The following NAALADL2 variants were observed in gnomAD, a reference collection of about 807,000 sequenced individuals.
NAALADL2 encodes the protein inactive N-acetylated-alpha-linked acidic dipeptidase-like protein 2.
A neutral mutation model predicts 87.2 loss-of-function variants in NAALADL2; 76 were observed. The observed-to-expected ratio is 0.87, with a 90% CI of 0.72 to 1.05. The LOEUF (loss-of-function observed/expected upper bound fraction) is 1.05. Ranked by LOEUF, NAALADL2 falls within the 50% of genes least tolerant of loss-of-function variation. The probability of loss-of-function intolerance (pLI) is 0.00; values close to 1 mark genes in which losing one functional copy is unlikely to be tolerated. For missense variants in NAALADL2, 1,089 were observed against 945.8 expected (o/e 1.15, Z -1.99); for synonymous variants, 354 against 331.0 (o/e 1.07, Z -0.75).
intron 11 of NAALADL2, among the ~76,000 whole-genome samples, chr3:175,642,743 T>G (rs1336827086): frequency 1.3e-5 from 2 of 152,058 alleles, no homozygotes; most frequent in East Asian, 1.9e-4. Context: ...CTCGTGATCC[T>G]CCCGCCTCGG....
At chr3:175,579,458 G>C (rs1719425812) in intron 10 of NAALADL2, among the ~76,000 whole-genome samples, 2 of 152,114 alleles carry the variant, frequency 1.3e-5, no homozygotes, top group African/African-American at 4.8e-5. Context: ...CAAACACATT[G>C]CATAAAATTG....
At chr3:175,060,884 C>T (rs141699030) in intron 1 of NAALADL2, among the ~76,000 whole-genome samples, 2,840 of 152,188 alleles carry the variant, frequency 0.019, 42 homozygotes, top group Non-Finnish European at 0.027. Context: ...CCCATCTCTA[C>T]TAAAAATACA....
intron 1 of NAALADL2, among the ~76,000 whole-genome samples, chr3:174,983,134 G>T (rs1043479670): frequency 6.6e-6 from 1 of 151,968 alleles, no homozygotes; most frequent in Non-Finnish European, 1.5e-5. Context: ...CCAAGAGGAG[G>T]CCCACCATCC....
Position 174,886,802 on chromosome 3 carries a change from T to C in NAALADL2, c.43+27352T>C, listed in dbSNP as rs143442505. On this transcript the variant is annotated intron_variant, in intron 1 of 13. Coordinates refer to ENST00000454872, the MANE Select transcript of NAALADL2 (RefSeq NM_207015.3). ...TTTAACCCTATATTTTAAATGTAAA[T>C]CTTAATTGGGTTCCAGCTGACACTG... Among the ~76,000 whole-genome samples, 330 of 152,322 alleles carry C rather than the reference T, an allele frequency of 2.2e-3. 1 individual carries two copies. The highest frequency in any genetic ancestry group is 6.9e-3 in the African/African-American group (288 of 41,574).
At chr3:174,528,889 A>G (rs1038077783) in intron 1 of NAALADL2, among the ~76,000 whole-genome samples, 1 of 152,132 alleles carries the variant, frequency 6.6e-6, no homozygotes, top group Non-Finnish European at 1.5e-5. Flanking sequence ...TCCCTCCCAC[A>G]ATACATAGGA....
At chr3:175,560,789 T>G (rs978910514) in intron 9 of NAALADL2, among the ~76,000 whole-genome samples, 3 of 152,074 alleles carry the variant, frequency 2.0e-5, no homozygotes, top group Non-Finnish European at 4.4e-5. Flanking sequence ...GCCCAGCCGA[T>G]TTTTGTATTT....
At chr3:174,865,791 C>T (rs1006681524) in intron 1 of NAALADL2, among the ~76,000 whole-genome samples, 2 of 151,650 alleles carry the variant, frequency 1.3e-5, no homozygotes, top group Non-Finnish European at 3.0e-5. Flanking sequence ...GAATAAGTGA[C>T]CAGAAGGAAA....
At chr3:174,504,238 A>G (rs992793570) in intron 1 of NAALADL2, among the ~76,000 whole-genome samples, 1 of 152,162 alleles carries the variant, frequency 6.6e-6, no homozygotes, top group Non-Finnish European at 1.5e-5. Flanking sequence ...TGGTAAAATA[A>G]TATATAAATT....
chr3:175,376,183 C>A (rs927323568), intron 5 of NAALADL2, among the ~76,000 whole-genome samples: 5 of 152,000 alleles, frequency 3.3e-5, no homozygotes, highest in Admixed American at 2.0e-4. Context: ...TATTTTTATA[C>A]CCTCCTAGTT....
chr3:175,253,721 A>C (rs1580257), intron 3 of NAALADL2, among the ~76,000 whole-genome samples: 1 of 152,202 alleles, frequency 6.6e-6, no homozygotes, highest in Admixed American at 6.5e-5. Context: ...TCGTGAGAGC[A>C]GGTCAAAATA....
chr3:174,582,458 A>C (rs972988612), intron 2 of NAALADL2, among the ~76,000 whole-genome samples: 19 of 152,252 alleles, frequency 1.2e-4, no homozygotes, highest in Non-Finnish European at 2.8e-4. Flanking sequence ...AATAGTTTGA[A>C]TATACCAACA....
Position 174,997,674 on chromosome 3 carries a change from G to A in NAALADL2, c.44-99116G>A, listed in dbSNP as rs1380323290. On this transcript the variant is annotated intron_variant, in intron 1 of 13. Transcript: ENST00000454872. ...CTACTAAAAATACAAAAATTAGCTG[G>A]GTGTGGTGGTGGACACGTATAATCC... is the stretch of plus-strand genomic sequence containing the variant. Among the ~76,000 whole-genome samples the A allele has an allele frequency of 2.6e-5, 4 of 152,070 alleles. No homozygotes were observed. In the East Asian group the frequency reaches 5.8e-4, roughly 22 times the overall value.
chr3:174,625,936 G>A (rs1307405063), intron 2 of NAALADL2, among the ~76,000 whole-genome samples: 1 of 151,834 alleles, frequency 6.6e-6, no homozygotes, highest in Non-Finnish European at 1.5e-5. Context: ...TGGAATACAG[G>A]TTAAGTCATT....
chr3:175,724,731 T>G (rs1398596270), intron 11 of NAALADL2, among the ~76,000 whole-genome samples: 1 of 152,116 alleles, frequency 6.6e-6, no homozygotes, highest in African/African-American at 2.4e-5. Context: ...GTGCCTTCAT[T>G]GTCTCTATAA....
At chr3:175,721,374 A>G (rs932771412) in intron 11 of NAALADL2, among the ~76,000 whole-genome samples, 3 of 152,148 alleles carry the variant, frequency 2.0e-5, no homozygotes, top group African/African-American at 7.2e-5. Context: ...ATGCAAATGT[A>G]CCTGTAATTA....
intron 1 of NAALADL2, among the ~76,000 whole-genome samples, chr3:174,458,350 T>C (rs1209500779): frequency 6.6e-6 from 1 of 152,184 alleles, no homozygotes; most frequent in East Asian, 1.9e-4. Context: ...ACCTGTATTT[T>C]CCTCTCTCTA....
chr3:175,790,536 T>C (rs1401021891), intron 13 of NAALADL2, among the ~76,000 whole-genome samples: 1 of 152,214 alleles, frequency 6.6e-6, no homozygotes, highest in Non-Finnish European at 1.5e-5. Context: ...TCTTTGAGTA[T>C]TGTTCTGGGG....
chr3:174,619,367 T>G (rs1269312850), intron 2 of NAALADL2, among the ~76,000 whole-genome samples: 3 of 151,948 alleles, frequency 2.0e-5, no homozygotes, highest in Non-Finnish European at 4.4e-5. Context: ...GTTGGAAGGT[T>G]GATGCCAAGT....
At chr3:175,596,108 G>T (rs1722212364) in intron 10 of NAALADL2, among the ~76,000 whole-genome samples, 1 of 151,736 alleles carries the variant, frequency 6.6e-6, no homozygotes, top group Non-Finnish European at 1.5e-5. Flanking sequence ...CAGCAGTTTG[G>T]GTTAGGAGGC....
Sources: gnomAD v4.1 joint callset for allele counts (sites outside exome capture counted in the v4.1 genomes callset) on GRCh38, gnomAD v4.1.1 for gene constraint, MANE v1.5 for transcripts, NCBI Gene and HGNC (gene_info 2026-07-23, HGNC 2026-07-21) for gene names.